Variants in SAFB observed in about 807,000 individuals in gnomAD.
SAFB encodes the protein scaffold attachment factor B.
Under a neutral mutation model 101.6 loss-of-function variants are expected in SAFB, and 15 were observed. The ratio of observed to expected loss-of-function variants is 0.15; its 90% confidence interval spans 0.10 to 0.23. The LOEUF is 0.23. Among genes scored for constraint, SAFB ranks in the 10% least tolerant of loss-of-function variants. The pLI, the probability that SAFB is intolerant of heterozygous loss-of-function variation, is 1.00. For synonymous variants in SAFB, 449 were observed against 407.5 expected (o/e 1.10, Z -1.23); for missense variants, 930 against 1,104.1 (o/e 0.84, Z 2.23).
chr19:5,657,100 T>G lies in SAFB; in HGVS notation c.1756-141T>G, dbSNP rs556125688. 37 of 615,612 alleles carry G rather than the reference T, an allele frequency of 6.0e-5. No individual in the cohort carries two copies. In the South Asian group the frequency reaches 7.0e-4, roughly 12 times the overall value. 38.1% of individuals were successfully genotyped at this position (615,612 alleles called of 1,614,324 possible). On this transcript the variant is annotated intron_variant, in intron 13 of 20. Transcript: ENST00000588852. Reference sequence around the variant, plus strand: ...TTATATTTTTAGTAGAGTCAAGGTTTCACCATGTTGGCCAGGCTGGTCTCA... The same window carrying G: ...TTATATTTTTAGTAGAGTCAAGGTTGCACCATGTTGGCCAGGCTGGTCTCA...
chr19:5,623,114 G>C lies in SAFB; in HGVS notation c.-92G>C. On this transcript the variant is annotated 5_prime_UTR_variant, in exon 1 of 21. Transcript: ENST00000588852. ...GAGGCGCGCTGGGGCGACTGGAGCG[G>C]TTCCCTCGCAGGCGGCGCCATTTTG... The C allele has an allele frequency of 7.6e-7, 1 of 1,316,256 alleles. No homozygotes were observed. 81.5% of individuals were successfully genotyped at this position (1,316,256 alleles called of 1,614,324 possible).
chr19:5,662,289 G>C (rs550839413), intron 15 of SAFB, among the ~76,000 whole-genome samples: 2 of 152,128 alleles, frequency 1.3e-5, no homozygotes, highest in African/African-American at 2.4e-5. Context: ...CCTTAGCTCA[G>C]GAGTTGAAGA....
intron 14 of SAFB, among the ~76,000 whole-genome samples, chr19:5,660,369 T>G (rs938875129): frequency 8.2e-6 from 1 of 121,244 alleles, no homozygotes; most frequent in Non-Finnish European, 1.8e-5. Flanking sequence ...TTTTTTTTTT[T>G]GGAGACAGGG....
chr19:5,646,769 C>T (rs2053836275), intron 5 of SAFB, among the ~76,000 whole-genome samples: 1 of 152,200 alleles, frequency 6.6e-6, no homozygotes, highest in African/African-American at 2.4e-5. Context: ...TGTGATGTGT[C>T]AGGTGTGGCA....
At chr19:5,643,964 C>T (rs554638391) in intron 4 of SAFB, among the ~76,000 whole-genome samples, 66 of 152,108 alleles carry the variant, frequency 4.3e-4, no homozygotes, top group Middle Eastern at 3.4e-3. Flanking sequence ...AAGAGGTTTT[C>T]GGAAGATTCA....
intron 6 of SAFB, chr19:5,648,292 G>A (rs2053866857): frequency 1.9e-6 from 1 of 513,634 alleles, no homozygotes; most frequent in African/African-American, 2.0e-5. Context: ...ATGCCTTTTT[G>A]AATATCAACA....
chr19:5,630,738 G>A (rs1411249201), intron 2 of SAFB, among the ~76,000 whole-genome samples: 5 of 146,686 alleles, frequency 3.4e-5, no homozygotes, highest in East Asian at 2.1e-4. Context: ...CCTGGGCGAC[G>A]AGTGAAGCTT....
In SAFB at chr19:5,667,084, C is replaced by G; in HGVS notation, c.2373C>G (p.Gly791=). ...PERHGGPERH[G]RDSRDGWGGY... is the part of the protein sequence containing the mutation. ...GCCATGGAGGACCAGAGCGCCACGG[C>G]CGGGACTCCCGCGATGGCTGGGGGG... Residue 791 remains glycine, a synonymous_variant, in exon 18 of 21, where the codon GGC becomes GGG. Coordinates refer to ENST00000588852, the MANE Select transcript of SAFB (RefSeq NM_001201338.2). The surrounding 1 kb of genome is among the most constrained non-coding windows in gnomAD (Gnocchi z 4.0). The G allele has an allele frequency of 6.2e-7, 1 of 1,612,616 alleles. No homozygotes were observed.
chr19:5,663,939 G>A (rs1213169753), intron 15 of SAFB, 83 bp from the exon 16 acceptor site: 1 of 1,453,324 alleles, frequency 6.9e-7, no homozygotes, highest in African/African-American at 1.4e-5. Flanking sequence ...GTTCTGTGAA[G>A]TGCTAGGGGC....
chr19:5,664,453 T>C lies in SAFB; in HGVS notation c.2334+14T>C, dbSNP rs572390134. On this transcript the variant is annotated intron_variant, in intron 17 of 20. Coordinates refer to ENST00000588852, the MANE Select transcript of SAFB (RefSeq NM_001201338.2). The stretch of plus-strand genomic sequence containing the variant: ...CGAGAAGGACAGGTAAGTCTGAAGC[T>C]ACAGTGGTAGCCACAGAATTTCCCA... 1.9e-6 allele frequency: 3 copies of C among 1,607,258 alleles called. No individual in the cohort carries two copies. The highest frequency in any genetic ancestry group is 4.5e-5 in the East Asian group (2 of 44,858).
intron 2 of SAFB, among the ~76,000 whole-genome samples, chr19:5,630,494 G>T (rs2053465876): frequency 6.6e-6 from 1 of 152,170 alleles, no homozygotes; most frequent in Non-Finnish European, 1.5e-5. Flanking sequence ...GTAAGGCCAG[G>T]TGCGGTGGCA....
At chr19:5,624,142 A>G (rs2053279380) in intron 1 of SAFB, 1 of 148,436 alleles carries the variant, frequency 6.7e-6, no homozygotes. Context: ...GTCTCTCTGG[A>G]CTTGGGGACC....
At chr19:5,630,997 G>T (rs1450556337) in intron 2 of SAFB, among the ~76,000 whole-genome samples, 1 of 151,916 alleles carries the variant, frequency 6.6e-6, no homozygotes. Flanking sequence ...TTCGAGACCA[G>T]CCTGGCCAAC....
chr19:5,634,232 G>A (rs1244777076), intron 2 of SAFB, among the ~76,000 whole-genome samples: 1 of 152,010 alleles, frequency 6.6e-6, no homozygotes, highest in African/African-American at 2.4e-5. Flanking sequence ...CTTTTTATCA[G>A]AAAATTGTCA....
chr19:5,630,791 T>G, intron 2 of SAFB, among the ~76,000 whole-genome samples: 1 of 151,792 alleles, frequency 6.6e-6, no homozygotes, highest in Non-Finnish European at 1.5e-5. Context: ...CTCTGTTATA[T>G]ATAGAAAGAA....
intron 2 of SAFB, among the ~76,000 whole-genome samples, chr19:5,639,533 A>G (rs1016302050): frequency 2.0e-5 from 3 of 151,872 alleles, no homozygotes; most frequent in Non-Finnish European, 4.4e-5. Context: ...TCTCTACTAA[A>G]AATACAAAAA....
chr19:5,633,286 A>G (rs1030658604), intron 2 of SAFB, among the ~76,000 whole-genome samples: 1 of 152,212 alleles, frequency 6.6e-6, no homozygotes, highest in Non-Finnish European at 1.5e-5. Context: ...TATTTACTAC[A>G]ATGTGCAAAA....
chr19:5,630,814 T>C (rs2145403774), intron 2 of SAFB, among the ~76,000 whole-genome samples: 1 of 152,144 alleles, frequency 6.6e-6, no homozygotes, highest in South Asian at 2.1e-4. Flanking sequence ...ATATTTATGG[T>C]TTTATTTTTA....
chr19:5,667,140 G>C lies in SAFB; in HGVS notation c.2429G>C (p.Gly810Ala), dbSNP rs2054346213. ...GGCTCTGACAAGAGGATGAGCGAGGGCCGGGGGCTGCCTCCTCCCCCCAGG... is the reference window on the plus strand; with the variant it reads ...GGCTCTGACAAGAGGATGAGCGAGGCCCGGGGGCTGCCTCCTCCCCCCAGG... ...GYGSDKRMSEGRGLPPPPRGR... is the reference protein window; with the variant it reads ...GYGSDKRMSEARGLPPPPRGR... The change falls in exon 18 of 21, where the codon GGC becomes GCC. Residue 810 changes from glycine (G) to alanine (A), a missense_variant. By Grantham distance (60) the Gly-to-Ala change is moderately conservative. Transcript: ENST00000588852. The surrounding 1 kb of genome is among the most constrained non-coding windows in gnomAD (Gnocchi z 4.0). 1 of 1,603,366 alleles carries C rather than the reference G, an allele frequency of 6.2e-7. No homozygotes were observed. The highest frequency in any genetic ancestry group is 1.1e-5 in the South Asian group (1 of 90,856).
Sources: gnomAD v4.1 joint callset for allele counts (sites outside exome capture counted in the v4.1 genomes callset) on GRCh38, gnomAD v4.1.1 for gene constraint, Gnocchi (gnomAD v3.1) non-coding constraint, MANE v1.5 for transcripts, NCBI Gene and HGNC (gene_info 2026-07-23, HGNC 2026-07-21) for gene names.